The following KLRF1 variants were observed in gnomAD, a reference collection of about 807,000 sequenced individuals.
KLRF1 encodes the protein killer cell lectin like receptor F1, also known as killer cell lectin-like receptor subfamily F member 1.
Under a neutral mutation model 30.7 loss-of-function variants are expected in KLRF1, and 27 were observed. The ratio of observed to expected loss-of-function variants is 0.88; its 90% CI spans 0.65 to 1.21. KLRF1 has a LOEUF of 1.21. KLRF1 is among the 50% of genes most tolerant of loss of function. The pLI is 0.00. For synonymous variants in KLRF1, 92 were observed against 89.3 expected, an observed-to-expected ratio of 1.03 and a Z score of -0.17; for missense variants, 246 against 259.3, an observed-to-expected ratio of 0.95 and a Z score of 0.35.
the KLRF1 span, among the ~76,000 whole-genome samples, chr12:9,816,301 T>A: frequency 6.6e-6 from 1 of 152,212 alleles, no homozygotes; most frequent in African/African-American, 2.4e-5. Flanking sequence ...AATTTTCAAG[T>A]GAATTATTAG....
chr12:9,807,129 T>C, the KLRF1 span, among the ~76,000 whole-genome samples: 1 of 152,116 alleles, frequency 6.6e-6, no homozygotes, highest in Non-Finnish European at 1.5e-5. Context: ...TACAATTAAC[T>C]TATAAGAATC....
Position 9,842,367 on chromosome 12 carries a change from G to C in KLRF1, c.521G>C (p.Gly174Ala), listed in dbSNP as rs761762756. The change falls in exon 5 of 6, where the codon GGG (glycine) becomes GCG (alanine). Residue 174 changes from glycine (G) to alanine (A), a missense_variant. Transcript: ENST00000617889. ...AGACAATTAAACTACGTATGGATTG[G>C]GCTTAACTTTACCTCCTTGAAAATG... Reference protein sequence around the residue: ...NLRQLNYVWIGLNFTSLKMTW... With the variant: ...NLRQLNYVWIALNFTSLKMTW... The C allele has an allele frequency of 1.5e-5, 24 of 1,611,888 alleles. No individual in the cohort carries two copies. In the South Asian group the frequency reaches 2.3e-4, roughly 16 times the overall value.
the KLRF1 span, among the ~76,000 whole-genome samples, chr12:9,811,602 A>T: frequency 6.6e-6 from 1 of 152,200 alleles, no homozygotes; most frequent in Admixed American, 6.5e-5. Flanking sequence ...GTTGGACTTA[A>T]GATATTAGGC....
At chr12:9,831,644 C>A (rs1432627863) in intron 1 of KLRF1, among the ~76,000 whole-genome samples, 1 of 152,092 alleles carries the variant, frequency 6.6e-6, no homozygotes, top group Non-Finnish European at 1.5e-5. Flanking sequence ...GCCCAGCAGA[C>A]CTAAATCCTC....
chr12:9,842,332 G>T lies in KLRF1; in HGVS notation c.486G>T (p.Gln162His), dbSNP rs1867721083. Reference sequence around the variant, plus strand: ...CGTCCACATTTTAGGCTTTTATACAGAAAAACCTAAGACAATTAAACTACG... The same window carrying T: ...CGTCCACATTTTAGGCTTTTATACATAAAAACCTAAGACAATTAAACTACG... ...IHDQLEMAFI[Q>H]KNLRQLNYVW... Residue 162 changes from glutamine to histidine, a missense_variant, in exon 5 of 6, where the codon CAG becomes CAT. Transcript: ENST00000617889. The T allele has an allele frequency of 6.2e-7, 1 of 1,611,124 alleles. No individual in the cohort carries two copies. Among genetic ancestry groups the T allele is most frequent in the East Asian group, 2.2e-5 (1 of 44,742 alleles).
Position 9,844,484 on chromosome 12 carries a change from T to A in KLRF1, c.654T>A (p.Ser218=). ...CAAIKESKIF[S]ETCSSVFKWI... ...CCATTAAGGAAAGCAAAATTTTCTC[T>A]GAAACCTGCAGCAGTGTTTTCAAAT... Residue 218 remains serine (S), a synonymous_variant, in exon 6 of 6, where the codon TCT becomes TCA. Coordinates refer to ENST00000617889, the MANE Select transcript of KLRF1 (RefSeq NM_016523.3). The A allele has an allele frequency of 6.2e-7, 1 of 1,610,128 alleles. No homozygotes were observed. The highest frequency in any genetic ancestry group is 8.5e-7 in the Non-Finnish European group (1 of 1,177,080).
At chr12:9,801,202 A>G in the KLRF1 span, among the ~76,000 whole-genome samples, 1 of 152,074 alleles carries the variant, frequency 6.6e-6, no homozygotes, top group African/African-American at 2.4e-5. Context: ...GCTGCATAGT[A>G]TTCCATGGTG....
At chr12:9,803,584 T>G in the KLRF1 span, among the ~76,000 whole-genome samples, 5 of 152,100 alleles carry the variant, frequency 3.3e-5, no homozygotes, top group Non-Finnish European at 7.4e-5. Flanking sequence ...AAATTTATTT[T>G]GAGTTAATTT....
chr12:9,837,496 TC>T (rs1405529128), intron 3 of KLRF1, among the ~76,000 whole-genome samples: 1 of 152,142 alleles, frequency 6.6e-6, no homozygotes, highest in Non-Finnish European at 1.5e-5. Flanking sequence ...TAGGACCTTT[TC>T]AGGTAATTTC....
At chr12:9,835,204 G>C (rs1377836452) in intron 3 of KLRF1, among the ~76,000 whole-genome samples, 3 of 152,108 alleles carry the variant, frequency 2.0e-5, no homozygotes, top group Admixed American at 6.6e-5. Flanking sequence ...GCATGTACCT[G>C]TCCAATTAGC....
the KLRF1 span, among the ~76,000 whole-genome samples, chr12:9,818,374 GA>G: frequency 6.6e-6 from 1 of 152,218 alleles, no homozygotes; most frequent in African/African-American, 2.4e-5. Context: ...ACTGCCCATG[GA>G]ATGTGTGTGA....
chr12:9,827,334 T>C (rs1238893321), upstream of KLRF1: 1 of 335,996 alleles, frequency 3.0e-6, no homozygotes, highest in Non-Finnish European at 5.4e-6. Flanking sequence ...TTATGTGTTA[T>C]CTATGTCATG....
the KLRF1 span, chr12:9,817,797 C>A: frequency 5.2e-6 from 1 of 194,092 alleles, no homozygotes; most frequent in East Asian, 1.7e-4. Flanking sequence ...CAGGCACTTC[C>A]TCAGTTGGCA....
rs1415226504 is a variant in KLRF1 at position 9,839,179 on chromosome 12, T to C, written c.335-2633T>C. On this transcript the variant is annotated intron_variant, in intron 3 of 5. Transcript: ENST00000617889. ...TCATGGTGCCAGCGTGGTTGGGTTC[T>C]GGTGAGGGCCCTCTTCTCTGTTGCA... 2.6e-5 allele frequency among the ~76,000 whole-genome samples: 4 copies of C among 152,208 alleles called. No individual in the cohort carries two copies. The South Asian group carries it at 6.2e-4, about 24-fold the overall frequency.
the KLRF1 span, among the ~76,000 whole-genome samples, chr12:9,821,538 C>G: frequency 1.3e-5 from 2 of 152,194 alleles, no homozygotes; most frequent in African/African-American, 4.8e-5. Context: ...CCATCCTGGG[C>G]AGACTGCACT....
chr12:9,807,411 T>C, the KLRF1 span, among the ~76,000 whole-genome samples: 1 of 152,132 alleles, frequency 6.6e-6, no homozygotes, highest in African/African-American at 2.4e-5. Flanking sequence ...CATTTCTTTG[T>C]TTCTCAGGTA....
chr12:9,814,477 C>T, the KLRF1 span, among the ~76,000 whole-genome samples: 2 of 152,232 alleles, frequency 1.3e-5, no homozygotes, highest in African/African-American at 4.8e-5. Context: ...AGCAAAGCCT[C>T]TCCCAGTGCC....
In KLRF1 at chr12:9,833,435, G is replaced by C. The variant is rs771900304; in HGVS notation, c.317G>C (p.Arg106Thr). 21 of 1,608,144 alleles carry C rather than the reference G, an allele frequency of 1.3e-5. No individual in the cohort carries two copies. In the East Asian group the frequency reaches 1.3e-4, roughly 10 times the overall value. The part of the protein sequence containing the change: ...NISNKDLCAS[R>T]SADQTVLCQS... ...AGTAATAAGGACCTTTGTGCTTCGAGATCTGCAGACCAGACAGGTATGTCT... is the reference window on the plus strand; with the variant it reads ...AGTAATAAGGACCTTTGTGCTTCGACATCTGCAGACCAGACAGGTATGTCT... Residue 106 changes from arginine to threonine, a missense_variant, in exon 3 of 6, where the codon AGA (arginine) becomes ACA (threonine). Arg to Thr is a moderately conservative substitution (Grantham distance 71, BLOSUM62 -1). Coordinates refer to ENST00000617889, the MANE Select transcript of KLRF1 (RefSeq NM_016523.3).
the KLRF1 span, among the ~76,000 whole-genome samples, chr12:9,808,750 T>C: frequency 1.3e-5 from 2 of 152,152 alleles, no homozygotes; most frequent in African/African-American, 4.8e-5. Context: ...ATGTGTAATA[T>C]GAGTAAGCAG....
Sources: gnomAD v4.1 joint callset for allele counts (sites outside exome capture counted in the v4.1 genomes callset) on GRCh38, gnomAD v4.1.1 for gene constraint, MANE v1.5 for transcripts, NCBI Gene and HGNC (gene_info 2026-07-23, HGNC 2026-07-21) for gene names.